LRP1B: variants seen among roughly 807,000 people sequenced by gnomAD.
LRP1B encodes the protein low-density lipoprotein receptor-related protein 1B.
LRP1B carries 217 observed loss-of-function variants against 556.6 expected under a neutral mutation model. That is an observed-to-expected ratio of 0.39 (90% CI 0.35 to 0.44). The LOEUF (loss-of-function observed/expected upper bound fraction) is 0.44, where lower values mean the gene tolerates loss of function less well. LRP1B is among the 20% of genes least tolerant of loss of function. LRP1B has a pLI of 1.00. For missense variants in LRP1B, 5,053 were observed against 5,620.8 expected (o/e 0.90, Z 3.23); for synonymous variants, 2,047 against 1,865.8 (o/e 1.10, Z -2.50).
At chr2:140,970,819 C>T (rs1411491161) in intron 18 of LRP1B, among the ~76,000 whole-genome samples, 2 of 137,068 alleles carry the variant, frequency 1.5e-5, no homozygotes, top group Non-Finnish European at 3.1e-5. Context: ...TGGCTCACTG[C>T]AGCCTGGACG....
intron 1 of LRP1B, among the ~76,000 whole-genome samples, chr2:141,892,947 T>C (rs774266124): frequency 1.3e-5 from 2 of 152,142 alleles, no homozygotes; most frequent in African/African-American, 2.4e-5. Context: ...GCTATAGGTT[T>C]TCTGGTTCAT....
At chr2:141,889,934 CTG>C in intron 1 of LRP1B, among the ~76,000 whole-genome samples, 1 of 152,140 alleles carries the variant, frequency 6.6e-6, no homozygotes, top group South Asian at 2.1e-4. Context: ...GTTAGTGACA[CTG>C]TACCACACTG....
chr2:140,270,861 A>G (rs1199790794), intron 85 of LRP1B, among the ~76,000 whole-genome samples: 3 of 151,962 alleles, frequency 2.0e-5, no homozygotes, highest in East Asian at 1.9e-4. Flanking sequence ...CTTTTATCCC[A>G]CTGTTTCTCT....
At position 141,210,218 on chromosome 2, in the gene LRP1B, G is replaced by A. The variant is rs1364525481; in HGVS notation, c.850+18965C>T. ...CAGTATCTCGTAAACATCGCTACAA[G>A]ATTAAAAACTTACGGAGGTCAGGAA... On this transcript the variant is annotated intron_variant, in intron 6 of 90. Transcript: ENST00000389484. 6.7e-5 allele frequency among the ~76,000 whole-genome samples: 10 copies of A among 148,816 alleles called. No homozygotes were observed. In the South Asian group the frequency reaches 2.1e-3, roughly 32 times the overall value.
intron 66 of LRP1B, among the ~76,000 whole-genome samples, 191 bp from the exon 67 acceptor site, chr2:140,386,200 T>TGTTC (rs1683754282): frequency 6.6e-6 from 1 of 152,184 alleles, no homozygotes; most frequent in African/African-American, 2.4e-5. Context: ...ATGTTGTTAC[T>TGTTC]GTTCATGCTT....
At chr2:141,080,765 T>C (rs1191593740) in intron 7 of LRP1B, among the ~76,000 whole-genome samples, 1 of 152,194 alleles carries the variant, frequency 6.6e-6, no homozygotes, top group Non-Finnish European at 1.5e-5. Flanking sequence ...CTTTTGGAGA[T>C]TTCAGTTACC....
At chr2:140,267,758 C>T (rs1259847897) in intron 86 of LRP1B, among the ~76,000 whole-genome samples, 2 of 151,826 alleles carry the variant, frequency 1.3e-5, no homozygotes, top group Non-Finnish European at 2.9e-5. Flanking sequence ...CATAGAAGAC[C>T]AAGGTACACA....
intron 66 of LRP1B, among the ~76,000 whole-genome samples, chr2:140,408,396 T>G (rs1461095280): frequency 6.6e-6 from 1 of 151,990 alleles, no homozygotes; most frequent in Non-Finnish European, 1.5e-5. Flanking sequence ...TACTAGGCGA[T>G]CTTGTGAGCT....
At chr2:140,623,987 T>C (rs1403384546) in intron 41 of LRP1B, among the ~76,000 whole-genome samples, 1 of 142,244 alleles carries the variant, frequency 7.0e-6, no homozygotes, top group African/African-American at 2.6e-5. Flanking sequence ...TTAGTTGTTT[T>C]AAAATCACTG....
At chr2:141,088,958 C>T (rs755320955) in intron 7 of LRP1B, among the ~76,000 whole-genome samples, 1 of 151,980 alleles carries the variant, frequency 6.6e-6, no homozygotes, top group Non-Finnish European at 1.5e-5. Flanking sequence ...TAAAAACAAA[C>T]AAAAAGTCAT....
intron 2 of LRP1B, among the ~76,000 whole-genome samples, chr2:141,579,686 G>A (rs191628148): frequency 5.0e-5 from 7 of 139,070 alleles, no homozygotes; most frequent in African/African-American, 2.0e-4. Context: ...TTGCTTAAGT[G>A]TACTCTTAAT....
intron 29 of LRP1B, among the ~76,000 whole-genome samples, chr2:140,843,819 T>G (rs1430973093): frequency 2.0e-5 from 3 of 152,214 alleles, no homozygotes; most frequent in Non-Finnish European, 4.4e-5. Flanking sequence ...GTCATTACTT[T>G]GCTAATATAT....
intron 87 of LRP1B, among the ~76,000 whole-genome samples, chr2:140,243,943 G>T (rs1681054501): frequency 6.6e-6 from 1 of 151,012 alleles, no homozygotes; most frequent in Non-Finnish European, 1.5e-5. Flanking sequence ...TATCTTTTTT[G>T]TTTTTGCTTC....
chr2:141,534,600 G>C (rs1392995001), intron 2 of LRP1B, among the ~76,000 whole-genome samples: 1 of 152,002 alleles, frequency 6.6e-6, no homozygotes, highest in East Asian at 1.9e-4. Context: ...ACACAGAACA[G>C]GGAAACAAAT....
chr2:141,277,085 T>C (rs7595977), intron 3 of LRP1B, among the ~76,000 whole-genome samples: 44,464 of 152,164 alleles, frequency 0.29, 7,054 homozygotes, highest in Middle Eastern at 0.48. Context: ...TTATGAATAG[T>C]GCTGTAATAA....
At chr2:141,097,993 A>G (rs1342174178) in intron 7 of LRP1B, among the ~76,000 whole-genome samples, 1 of 152,204 alleles carries the variant, frequency 6.6e-6, no homozygotes, top group Non-Finnish European at 1.5e-5. Flanking sequence ...AATTCACTTC[A>G]TGGCCTCAAG....
In LRP1B at chr2:140,982,202, C is replaced by T. The variant is rs559134345; in HGVS notation, c.2845G>A (p.Glu949Lys). 7 of 1,613,434 alleles carry T rather than the reference C, an allele frequency of 4.3e-6. No homozygotes were observed. The South Asian group carries it at 4.4e-5, about 10-fold the overall frequency. Reference sequence around the variant, plus strand: ...TCTGTCTGGTCACCACAGTCGTCTTCCCTGTCACACAGCCATGCTCTGGGA... The same window carrying T: ...TCTGTCTGGTCACCACAGTCGTCTTTCCTGTCACACAGCCATGCTCTGGGA... ...CIPRAWLCDR[E>K]DDCGDQTDEM... Residue 949 changes from glutamate (E) to lysine (K), a missense_variant, in exon 18 of 91, where the codon GAA becomes AAA. By Grantham distance (56) the Glu-to-Lys change is moderately conservative. Around this residue, in one of 5 missense-constraint regions of LRP1B, gnomAD observed 3,619 missense variants for 3,931.9 expected, o/e 0.92. Coordinates refer to ENST00000389484, the MANE Select transcript of LRP1B (RefSeq NM_018557.3).
At chr2:141,486,668 G>C (rs985643087) in intron 2 of LRP1B, among the ~76,000 whole-genome samples, 3 of 151,890 alleles carry the variant, frequency 2.0e-5, no homozygotes, top group Non-Finnish European at 4.4e-5. Flanking sequence ...TTGCCTCTTG[G>C]TTTTATTTCC....
intron 7 of LRP1B, among the ~76,000 whole-genome samples, chr2:141,070,784 A>G (rs1462044851): frequency 6.6e-6 from 1 of 151,980 alleles, no homozygotes; most frequent in African/African-American, 2.4e-5. Context: ...CAACACATAC[A>G]CCCTCCCAAG....
Sources: allele counts gnomAD v4.1 joint callset (sites outside exome capture counted in the v4.1 genomes callset), GRCh38; gene constraint gnomAD v4.1.1; regional missense constraint gnomAD v4.1.1; transcripts MANE v1.5; gene names NCBI Gene and HGNC (gene_info 2026-07-23, HGNC 2026-07-21).